PGM5: variants seen among roughly 807,000 people sequenced by gnomAD.
The protein encoded by PGM5 is phosphoglucomutase-like protein 5.
PGM5 carries 23 observed loss-of-function variants against 59.2 expected under a neutral mutation model. That is an observed-to-expected ratio of 0.39 (90% CI 0.28 to 0.55). The LOEUF (loss-of-function observed/expected upper bound fraction) is 0.55, where lower values mean the gene tolerates loss of function less well. Ranked by LOEUF, PGM5 falls within the 20% of genes least tolerant of loss-of-function variation. The probability of loss-of-function intolerance (pLI) is 0.66; values close to 1 mark genes in which losing one functional copy is unlikely to be tolerated. For synonymous variants in PGM5, 214 were observed against 286.0 expected (o/e 0.75, Z 2.54); for missense variants, 574 against 748.3 (o/e 0.77, Z 2.72).
intron 9 of PGM5, among the ~76,000 whole-genome samples, chr9:68,494,371 G>T (rs781845979): frequency 6.6e-6 from 1 of 152,170 alleles, no homozygotes; most frequent in Non-Finnish European, 1.5e-5. Flanking sequence ...AGCCCAGTGA[G>T]AGCCTATGTA....
At chr9:68,430,255 T>A (rs898381689) in intron 6 of PGM5, among the ~76,000 whole-genome samples, 5 of 152,162 alleles carry the variant, frequency 3.3e-5, no homozygotes, top group Non-Finnish European at 1.5e-5. Flanking sequence ...CAGCGTAGAG[T>A]GATTGTTTCT....
chr9:68,391,567 A>T lies in PGM5; in HGVS notation c.731A>T (p.Asp244Val), dbSNP rs781868805. ...CCTTATGTGAGAAAAGTTCTGTGTG[A>T]TGAGCTGGGGGCCCCAGCCAATTCT... ...MGPYVRKVLCDELGAPANSAI... is the reference protein window; with the variant it reads ...MGPYVRKVLCVELGAPANSAI... The change falls in exon 5 of 11, where the codon GAT (aspartate) becomes GTT (valine). Residue 244 changes from aspartate (D) to valine (V), a missense_variant. Around this residue, in one of 7 missense-constraint regions of PGM5, gnomAD observed 8 missense variants for 28.2 expected, o/e 0.28. Transcript: ENST00000396396. The T allele has an allele frequency of 1.2e-6, 2 of 1,613,270 alleles. No individual in the cohort carries two copies. Among genetic ancestry groups the T allele is most frequent in the African/African-American group, 1.3e-5 (1 of 74,856 alleles).
Position 68,499,293 on chromosome 9 carries a change from C to T in PGM5, c.1546C>T (p.Arg516Trp), listed in dbSNP as rs782091421. The T allele has an allele frequency of 1.7e-5, 27 of 1,613,962 alleles. No homozygotes were observed. The highest frequency in any genetic ancestry group is 3.3e-4 in the Middle Eastern group (2 of 6,084). The change falls in exon 10 of 11, where the codon CGG becomes TGG. Residue 516 changes from arginine (R) to tryptophan (W), a missense_variant. By Grantham distance (101) the Arg-to-Trp change is moderately radical (BLOSUM62 -3). This residue lies in a region of PGM5 where 300 missense variants were observed against 280.0 expected (regional missense o/e 1.07). Transcript: ENST00000396396. ...IFRLSSSSGVRATLRLYAESY... is the reference protein window; with the variant it reads ...IFRLSSSSGVWATLRLYAESY... ...CCGGCTCAGTTCCTCCAGTGGTGTG[C>T]GGGCCACCCTCAGACTGTACGCAGA...
chr9:68,494,231 AAAAT>A (rs1179350565), intron 9 of PGM5, among the ~76,000 whole-genome samples: 1 of 152,200 alleles, frequency 6.6e-6, no homozygotes, highest in African/African-American at 2.4e-5. Flanking sequence ...CTAAAAAAAA[AAAAT>A]AATAATGTCA....
chr9:68,508,707 C>G (rs548285980), intron 10 of PGM5, among the ~76,000 whole-genome samples: 14 of 152,366 alleles, frequency 9.2e-5, no homozygotes, highest in Admixed American at 5.2e-4. Context: ...CATCACTTCT[C>G]TTGCCAGATG....
chr9:68,369,537 C>G (rs200231282), intron 1 of PGM5, among the ~76,000 whole-genome samples: 4,300 of 152,206 alleles, frequency 0.028, 105 homozygotes, highest in East Asian at 0.13. Flanking sequence ...AGCCTCATTA[C>G]CAGGAAGGAC....
chr9:68,380,523 T>C (rs1223870353), intron 2 of PGM5, among the ~76,000 whole-genome samples: 2 of 151,810 alleles, frequency 1.3e-5, no homozygotes, highest in African/African-American at 4.8e-5. Flanking sequence ...TAGACTAACA[T>C]TATGCCCCAA....
chr9:68,498,963 A>G (rs1824526075), intron 9 of PGM5: 2 of 402,966 alleles, frequency 5.0e-6, no homozygotes, highest in Admixed American at 8.0e-5. Context: ...CCAGCCCAAG[A>G]GAACTTGAGT....
At chr9:68,374,201 A>G (rs1821815933) in intron 1 of PGM5, among the ~76,000 whole-genome samples, 1 of 152,222 alleles carries the variant, frequency 6.6e-6, no homozygotes, top group African/African-American at 2.4e-5. Context: ...AATTTTGAAC[A>G]AAAGCTACAA....
intron 1 of PGM5, among the ~76,000 whole-genome samples, chr9:68,364,172 C>G (rs1587769444): frequency 6.6e-6 from 1 of 151,764 alleles, no homozygotes; most frequent in Non-Finnish European, 1.5e-5. Flanking sequence ...GTCTTGTGAA[C>G]TAGGAAGCTG....
intron 10 of PGM5, among the ~76,000 whole-genome samples, chr9:68,505,763 T>C (rs782733547): frequency 7.9e-5 from 12 of 152,188 alleles, no homozygotes; most frequent in Non-Finnish European, 1.2e-4. Flanking sequence ...AGTGTTCTTA[T>C]GGAGTTTTCA....
intron 1 of PGM5, among the ~76,000 whole-genome samples, chr9:68,374,927 A>G (rs1281206941): frequency 1.3e-5 from 2 of 152,180 alleles, no homozygotes; most frequent in South Asian, 2.1e-4. Flanking sequence ...CATCATTTCT[A>G]TGAGACAGGA....
Position 68,390,942 on chromosome 9 carries a change from G to GA in PGM5, c.698-590dup, listed in dbSNP as rs1284861859. Among the ~76,000 whole-genome samples the GA allele has an allele frequency of 9.2e-5, 14 of 151,782 alleles. No individual in the cohort carries two copies. In the East Asian group the frequency reaches 2.7e-3, roughly 30 times the overall value. ...TCCCACTACTAGATTACAAGCCCAG[G>GA]AATGTAGAAACTATGTGCTTTGCAT... On this transcript the variant is annotated intron_variant, in intron 4 of 10. Coordinates refer to ENST00000396396, the MANE Select transcript of PGM5 (RefSeq NM_021965.4).
At chr9:68,481,898 G>A (rs1824202932) in intron 8 of PGM5, among the ~76,000 whole-genome samples, 1 of 152,208 alleles carries the variant, frequency 6.6e-6, no homozygotes, top group Non-Finnish European at 1.5e-5. Flanking sequence ...AGGTGCTTGT[G>A]AAATGTAATT....
Position 68,397,815 on chromosome 9 carries a change from T to C in PGM5, c.1043+5342T>C, listed in dbSNP as rs535916532. ...AGGAGATTAGGCATAGGACCAAAGA[T>C]CAGAAACAGGTATCTGGACCTGACT... On this transcript the variant is annotated intron_variant, in intron 6 of 10. Coordinates refer to ENST00000396396, the MANE Select transcript of PGM5 (RefSeq NM_021965.4). 527 of 152,238 alleles carry C rather than the reference T, an allele frequency of 3.5e-3. 3 individuals are homozygous for C. Among genetic ancestry groups the C allele is most frequent in the African/African-American group, 0.012 (504 of 41,544 alleles). The allele number at this position is 152,238 out of a possible 1,614,324, so 9.4% of individuals were successfully genotyped here.
intron 6 of PGM5, chr9:68,406,089 G>C (rs1822803527): frequency 6.6e-6 from 1 of 152,070 alleles, no homozygotes; most frequent in African/African-American, 2.4e-5. Context: ...GTACTCAAAT[G>C]AGCTCATGTA....
At position 68,356,934 on chromosome 9, in the gene PGM5, C is replaced by T. The variant is rs1834454925; in HGVS notation, c.-194C>T. ...AGCAATCTCTGCCGAGAGAGTCAGC[C>T]GAGCGGCCGCGCGGAGAGGAGGGGC... is the stretch of plus-strand genomic sequence containing the variant. On this transcript the variant is annotated 5_prime_UTR_variant, in exon 1 of 11. Transcript: ENST00000396396. 2 of 471,002 alleles carry T rather than the reference C, an allele frequency of 4.2e-6. No homozygotes were observed. Among genetic ancestry groups the T allele is most frequent in the East Asian group, 3.8e-5 (1 of 26,570 alleles). 29.2% of individuals were successfully genotyped at this position (471,002 alleles called of 1,614,324 possible). A position where few individuals can be genotyped will look rare whatever the true frequency, so the allele number is the denominator to read the frequency against.
At chr9:68,475,989 C>G (rs980800275) in intron 7 of PGM5, among the ~76,000 whole-genome samples, 3 of 152,174 alleles carry the variant, frequency 2.0e-5, no homozygotes, top group Non-Finnish European at 4.4e-5. Context: ...CCCCTGTACT[C>G]CAGCCTGGGT....
intron 7 of PGM5, among the ~76,000 whole-genome samples, chr9:68,473,081 A>T (rs1210943289): frequency 2.0e-5 from 3 of 152,168 alleles, no homozygotes; most frequent in Non-Finnish European, 4.4e-5. Flanking sequence ...AATGAAAATC[A>T]ATCTATCTAT....
Sources: gnomAD v4.1 joint callset for allele counts (sites outside exome capture counted in the v4.1 genomes callset) on GRCh38, gnomAD v4.1.1 for gene constraint, gnomAD v4.1.1 regional missense constraint, MANE v1.5 for transcripts, NCBI Gene and HGNC (gene_info 2026-07-23, HGNC 2026-07-21) for gene names.